GNAQ: variants seen among roughly 807,000 people sequenced by gnomAD.
The protein encoded by GNAQ is guanine nucleotide-binding protein G(q) subunit alpha.
Under a neutral mutation model 43.9 loss-of-function variants are expected in GNAQ, and 8 were observed. The ratio of observed to expected loss-of-function variants is 0.18; its 90% CI spans 0.11 to 0.33. The LOEUF (loss-of-function observed/expected upper bound fraction) is 0.33. Ranked by LOEUF, GNAQ falls within the 10% of genes least tolerant of loss-of-function variation. The pLI is 1.00. For missense variants in GNAQ, 158 were observed against 450.8 expected (o/e 0.35, Z 5.88); for synonymous variants, 155 against 170.7 (o/e 0.91, Z 0.71).
At chr9:77,805,012 G>GT (rs1826804206) in intron 3 of GNAQ, among the ~76,000 whole-genome samples, 2 of 152,116 alleles carry the variant, frequency 1.3e-5, no homozygotes, top group South Asian at 4.1e-4. Context: ...GAAACACACA[G>GT]TTATCGTGCA....
intron 2 of GNAQ, among the ~76,000 whole-genome samples, chr9:77,845,550 G>A (rs1427734038): frequency 6.6e-6 from 1 of 152,100 alleles, no homozygotes; most frequent in African/African-American, 2.4e-5. Flanking sequence ...AACCCCCAAA[G>A]TTACTTTAAA....
intron 1 of GNAQ, among the ~76,000 whole-genome samples, chr9:77,942,770 A>G (rs779633311): frequency 2.0e-5 from 3 of 152,242 alleles, no homozygotes; most frequent in Non-Finnish European, 4.4e-5. Context: ...TTTTAAAAAT[A>G]AAGACACTTG....
At chr9:77,953,470 A>G (rs1823006737) in intron 1 of GNAQ, among the ~76,000 whole-genome samples, 1 of 152,142 alleles carries the variant, frequency 6.6e-6, no homozygotes, top group Admixed American at 6.5e-5. Flanking sequence ...CATGGAGGAG[A>G]GGTGTGTTTT....
intron 6 of GNAQ, among the ~76,000 whole-genome samples, chr9:77,724,053 A>C (rs1333963456): frequency 2.0e-5 from 3 of 152,216 alleles, no homozygotes; most frequent in Non-Finnish European, 2.9e-5. Flanking sequence ...AGATATATTA[A>C]CTTAAAACTT....
chr9:77,957,850 G>A (rs1471470215), intron 1 of GNAQ, among the ~76,000 whole-genome samples: 1 of 152,092 alleles, frequency 6.6e-6, no homozygotes, highest in Non-Finnish European at 1.5e-5. Flanking sequence ...CGTGCTTGTC[G>A]CTACTAATCA....
intron 1 of GNAQ, among the ~76,000 whole-genome samples, chr9:77,932,946 A>G (rs1489059681): frequency 6.6e-6 from 1 of 152,152 alleles, no homozygotes; most frequent in Admixed American, 6.5e-5. Flanking sequence ...GAAGTGAAAA[A>G]GGGAGGAGAT....
chr9:77,761,348 GC>G lies in GNAQ; in HGVS notation c.736-32682del, dbSNP rs1214469743. On this transcript the variant is annotated intron_variant, in intron 5 of 6. Coordinates refer to ENST00000286548, the MANE Select transcript of GNAQ (RefSeq NM_002072.5). ...GGGGGGTCAGCCCCCCGCCCGGCCA[GC>G]CGCCCCGTCCGGGAGGTGAGGGGCG... is the stretch of plus-strand genomic sequence containing the variant. Among the ~76,000 whole-genome samples, 21 of 131,364 alleles carry G rather than the reference GC, an allele frequency of 1.6e-4. No homozygotes were observed. In the East Asian group the frequency reaches 4.2e-3, roughly 26 times the overall value. 86.2% of individuals were successfully genotyped at this position (131,364 alleles called of 152,430 possible). A position where few individuals can be genotyped will look rare whatever the true frequency, so the allele number is the denominator to read the frequency against.
At chr9:77,797,221 A>G (rs1826672015) in intron 4 of GNAQ, among the ~76,000 whole-genome samples, 1 of 151,976 alleles carries the variant, frequency 6.6e-6, no homozygotes, top group Non-Finnish European at 1.5e-5. Flanking sequence ...TTAGTAAAGA[A>G]GGGGTTTCAC....
intron 6 of GNAQ, among the ~76,000 whole-genome samples, chr9:77,724,578 A>G (rs2118202185): frequency 6.6e-6 from 1 of 152,314 alleles, no homozygotes; most frequent in East Asian, 1.9e-4. Context: ...GGGCTTGACC[A>G]CCATTTCTAA....
chr9:77,793,240 T>C (rs1004974909), intron 5 of GNAQ, among the ~76,000 whole-genome samples: 5 of 152,172 alleles, frequency 3.3e-5, no homozygotes, highest in African/African-American at 9.6e-5. Flanking sequence ...TTTAGGCACT[T>C]TGCTTTAGAG....
intron 5 of GNAQ, among the ~76,000 whole-genome samples, chr9:77,745,964 A>T (rs1564097813): frequency 6.6e-6 from 1 of 152,130 alleles, no homozygotes; most frequent in Non-Finnish European, 1.5e-5. Flanking sequence ...TCCTTCCTTA[A>T]ATTTCAGAAT....
chr9:77,992,468 TA>T (rs1823519938), intron 1 of GNAQ, among the ~76,000 whole-genome samples: 1 of 152,172 alleles, frequency 6.6e-6, no homozygotes, highest in African/African-American at 2.4e-5. Context: ...TTTAATTTTT[TA>T]AACCTTCTTG....
chr9:77,928,289 T>C (rs181601505), intron 1 of GNAQ, among the ~76,000 whole-genome samples: 1 of 152,314 alleles, frequency 6.6e-6, no homozygotes, highest in Admixed American at 6.5e-5. Flanking sequence ...GACTGTCTGT[T>C]GAGGGCAAGA....
intron 1 of GNAQ, among the ~76,000 whole-genome samples, chr9:77,956,787 T>C (rs1823046098): frequency 6.6e-6 from 1 of 152,178 alleles, no homozygotes; most frequent in East Asian, 1.9e-4. Context: ...ATGAGAGCCC[T>C]TCCTGTGCAC....
chr9:77,868,561 G>A (rs181543664), intron 2 of GNAQ, among the ~76,000 whole-genome samples: 67 of 152,258 alleles, frequency 4.4e-4, no homozygotes, highest in Admixed American at 1.4e-3. Context: ...ACTTTGGGAG[G>A]CAGAGGCGGG....
chr9:77,867,671 A>G (rs1827969369), intron 2 of GNAQ, among the ~76,000 whole-genome samples: 1 of 152,232 alleles, frequency 6.6e-6, no homozygotes, highest in East Asian at 1.9e-4. Context: ...CCTCAGGAAG[A>G]GCAACAGTAA....
chr9:78,030,786 A>G (rs1164007404), intron 1 of GNAQ, among the ~76,000 whole-genome samples: 1 of 152,102 alleles, frequency 6.6e-6, no homozygotes, highest in African/African-American at 2.4e-5. Flanking sequence ...GCCATTTAGC[A>G]GATGCACAGC....
intron 5 of GNAQ, among the ~76,000 whole-genome samples, chr9:77,782,936 A>G (rs1826417743): frequency 6.6e-6 from 1 of 152,244 alleles, no homozygotes; most frequent in Non-Finnish European, 1.5e-5. Context: ...GCATTCTAGA[A>G]AAGGGAAAAC....
At chr9:77,848,804 A>G (rs1327640246) in intron 2 of GNAQ, among the ~76,000 whole-genome samples, 1 of 152,198 alleles carries the variant, frequency 6.6e-6, no homozygotes, top group Non-Finnish European at 1.5e-5. Flanking sequence ...GGGATGGAAG[A>G]CCTTCCAAGA....
Sources: allele counts gnomAD v4.1 joint callset (sites outside exome capture counted in the v4.1 genomes callset), GRCh38; gene constraint gnomAD v4.1.1; transcripts MANE v1.5; gene names NCBI Gene and HGNC (gene_info 2026-07-23, HGNC 2026-07-21).